Variants in TTF1 observed in about 807,000 individuals in gnomAD.
TTF1 encodes transcription termination factor 1, also known as transcription termination factor, RNA polymerase I.
A neutral mutation model predicts 80.2 loss-of-function variants in TTF1; 64 were observed. The observed-to-expected ratio is 0.80, with a 90% CI of 0.65 to 0.98. TTF1 has a LOEUF of 0.98. TTF1 is among the 50% of genes least tolerant of loss of function. The probability of loss-of-function intolerance (pLI) is 0.00; values close to 1 mark genes in which losing one functional copy is unlikely to be tolerated. For missense variants in TTF1, 1,023 were observed against 1,086.2 expected (o/e 0.94, Z 0.82); for synonymous variants, 372 against 382.7 (o/e 0.97, Z 0.33).
chr9:132,396,044 T>A (rs1162574831), intron 5 of TTF1, among the ~76,000 whole-genome samples: 1 of 152,166 alleles, frequency 6.6e-6, no homozygotes, highest in African/African-American at 2.4e-5. Context: ...CACCTTCAAA[T>A]AGTTACTAAA....
chr9:132,377,772 GGT>G (rs1358193826), intron 10 of TTF1, among the ~76,000 whole-genome samples: 17 of 125,348 alleles, frequency 1.4e-4, no homozygotes, highest in African/African-American at 3.4e-4. Flanking sequence ...GAATGCATGT[GGT>G]GTGTGTGAGT....
chr9:132,402,481 T>C lies in TTF1; in HGVS notation c.341A>G (p.Asn114Ser). The C allele has an allele frequency of 6.2e-7, 1 of 1,614,126 alleles. No homozygotes were observed. ...VVLVDKENIN[N>S]TPKHFRKDVD... Reference sequence around the variant, plus strand: ...ATCCTTTCTAAAATGCTTTGGTGTGTTGTTAATATTTTCTTTATCCACAAG... The same window carrying C: ...ATCCTTTCTAAAATGCTTTGGTGTGCTGTTAATATTTTCTTTATCCACAAG... The change falls in exon 2 of 11, where the codon AAC (asparagine) becomes AGC (serine). Residue 114 changes from asparagine (N) to serine (S), a missense_variant. Asn to Ser is a conservative substitution (Grantham distance 46). Transcript: ENST00000334270.
At chr9:132,385,343 T>C (rs572249447) in intron 9 of TTF1, among the ~76,000 whole-genome samples, 1 of 152,318 alleles carries the variant, frequency 6.6e-6, no homozygotes, top group African/African-American at 2.4e-5. Context: ...AGAGAATTGC[T>C]AGTGTTTACA....
chr9:132,396,899 G>C (rs2083805154), intron 4 of TTF1, among the ~76,000 whole-genome samples: 2 of 152,006 alleles, frequency 1.3e-5, no homozygotes, highest in South Asian at 4.2e-4. Context: ...TTTGGTGAAG[G>C]CTGCTTCACC....
intron 9 of TTF1, among the ~76,000 whole-genome samples, chr9:132,381,486 G>A (rs970215243): frequency 1.3e-5 from 2 of 152,168 alleles, no homozygotes; most frequent in African/African-American, 4.8e-5. Flanking sequence ...CACCACGCCC[G>A]GCCGAAAAGT....
intron 10 of TTF1, among the ~76,000 whole-genome samples, chr9:132,378,352 C>T (rs1849285695): frequency 9.7e-6 from 1 of 102,852 alleles, no homozygotes; most frequent in Non-Finnish European, 1.8e-5. Context: ...GGTGTGAGTG[C>T]ATGTGGTGCG....
At chr9:132,390,243 G>A (rs759160220) in intron 7 of TTF1, among the ~76,000 whole-genome samples, 4 of 152,234 alleles carry the variant, frequency 2.6e-5, no homozygotes, top group African/African-American at 7.2e-5. Flanking sequence ...GCCTCCCAAA[G>A]TGTTGGGATT....
chr9:132,383,355 T>C (rs139117464), intron 9 of TTF1, among the ~76,000 whole-genome samples: 14 of 152,244 alleles, frequency 9.2e-5, no homozygotes, highest in African/African-American at 3.4e-4. Context: ...GAATGTGGAC[T>C]ATGTTTTAGA....
chr9:132,388,257 T>A (rs1280752346), intron 7 of TTF1, 29 bp from the exon 8 acceptor site: 1 of 1,511,356 alleles, frequency 6.6e-7, no homozygotes. Flanking sequence ...AAACATAGTT[T>A]ACTTTCAAGG....
intron 10 of TTF1, among the ~76,000 whole-genome samples, chr9:132,377,331 ATGCATGTGGTGTGAG>A (rs1467157833): frequency 3.8e-5 from 3 of 78,832 alleles, no homozygotes; most frequent in Admixed American, 1.5e-4. Flanking sequence ...GTGTGTGTGA[ATGCATGTGGTGTGAG>A]TGCATGTGGT....
At position 132,402,455 on chromosome 9, in the gene TTF1, C is replaced by A; in HGVS notation, c.367G>T (p.Val123Phe). 2 of 1,614,218 alleles carry A rather than the reference C, an allele frequency of 1.2e-6. No individual in the cohort carries two copies. Among genetic ancestry groups the A allele is most frequent in the Non-Finnish European group, 1.7e-6 (2 of 1,180,042 alleles). Residue 123 changes from valine (V) to phenylalanine (F), a missense_variant, in exon 2 of 11, where the codon GTT becomes TTT. Physicochemically the swap from Val to Phe is conservative, Grantham distance 50. Coordinates refer to ENST00000334270, the MANE Select transcript of TTF1 (RefSeq NM_007344.4). ...CTCATATCAACACAAACAACATCAA[C>A]ATCCTTTCTAAAATGCTTTGGTGTG... ...NNTPKHFRKD[V>F]DVVCVDMSIE...
At position 132,404,071 on chromosome 9, in the gene TTF1, T is replaced by C. The variant is rs143157135; in HGVS notation, c.-7-1243A>G. On this transcript the variant is annotated intron_variant, in intron 1 of 10. Coordinates refer to ENST00000334270, the MANE Select transcript of TTF1 (RefSeq NM_007344.4). ...TGTTCTCTTTGCTCTGTATTGCTTC[T>C]GGGTTTCATTTTTTTAGATTTATCT... Among the ~76,000 whole-genome samples the C allele has an allele frequency of 6.4e-3, 968 of 152,386 alleles. 15 individuals are homozygous for C. Among genetic ancestry groups the C allele is most frequent in the African/African-American group, 0.022 (917 of 41,596 alleles).
chr9:132,387,282 C>G lies in TTF1; in HGVS notation c.2313-661G>C, dbSNP rs535037676. On this transcript the variant is annotated intron_variant, in intron 8 of 10. Transcript: ENST00000334270. ...ACCTTAAAGTGCGCAAATTCATTTA[C>G]AGTAACCCTCCCCCCCCAATCTACA... Among the ~76,000 whole-genome samples the G allele has an allele frequency of 4.6e-5, 7 of 152,256 alleles. No individual in the cohort carries two copies. The East Asian group carries it at 1.4e-3, about 29-fold the overall frequency.
chr9:132,375,687 T>C lies in TTF1; in HGVS notation c.*228A>G. Reference sequence around the variant, plus strand: ...ATTTACTGACATATGTATATAAATATAATCAAACTGAGAAAAAGGGACAAG... The same window carrying C: ...ATTTACTGACATATGTATATAAATACAATCAAACTGAGAAAAAGGGACAAG... On this transcript the variant is annotated 3_prime_UTR_variant, in exon 11 of 11. Coordinates refer to ENST00000334270, the MANE Select transcript of TTF1 (RefSeq NM_007344.4). 10 of 435,336 alleles carry C rather than the reference T, an allele frequency of 2.3e-5. No homozygotes were observed. In the South Asian group the frequency reaches 2.4e-4, roughly 11 times the overall value. The allele number at this position is 435,336 out of a possible 1,614,324, so 27.0% of individuals were successfully genotyped here.
chr9:132,391,739 G>C (rs930254048), intron 6 of TTF1, among the ~76,000 whole-genome samples: 4 of 152,204 alleles, frequency 2.6e-5, no homozygotes, highest in African/African-American at 9.6e-5. Context: ...CTGCGTGCCT[G>C]CCTCCCTCCC....
At chr9:132,392,875 A>G (rs970168533) in intron 5 of TTF1, among the ~76,000 whole-genome samples, 1 of 152,282 alleles carries the variant, frequency 6.6e-6, no homozygotes, top group South Asian at 2.1e-4. Flanking sequence ...AACTCAATAC[A>G]TTAAAAATGC....
intron 5 of TTF1, among the ~76,000 whole-genome samples, chr9:132,393,922 C>G (rs567393172): frequency 5.5e-5 from 8 of 145,812 alleles, no homozygotes; most frequent in Admixed American, 4.1e-4. Context: ...AATACAATTT[C>G]TTTTTTTTTT....
chr9:132,388,020 A>G (rs550655783), intron 8 of TTF1, 119 bp downstream of exon 8: 13 of 676,058 alleles, frequency 1.9e-5, no homozygotes, highest in Non-Finnish European at 3.0e-5. Context: ...ATACATGCGG[A>G]AAGTGCTGGA....
chr9:132,379,144 AC>A lies in TTF1; in HGVS notation c.2379-1del. ...TTTGAACGTAAGATGGAGGAACATC[AC>A]TTTAGAAAAGGAAAGAAAAGATAAA... On this transcript the variant is annotated splice_acceptor_variant, in intron 9 of 10. Coordinates refer to ENST00000334270, the MANE Select transcript of TTF1 (RefSeq NM_007344.4). LOFTEE classifies it high-confidence loss of function. 2 of 1,601,860 alleles carry A rather than the reference AC, an allele frequency of 1.2e-6. No homozygotes were observed. The highest frequency in any genetic ancestry group is 8.5e-7 in the Non-Finnish European group (1 of 1,175,952).
Sources: gnomAD v4.1 joint callset for allele counts (sites outside exome capture counted in the v4.1 genomes callset) on GRCh38, gnomAD v4.1.1 for gene constraint, MANE v1.5 for transcripts, NCBI Gene and HGNC (gene_info 2026-07-23, HGNC 2026-07-21) for gene names.